Variants in LRBA observed in about 807,000 individuals in gnomAD.
The protein encoded by LRBA is lipopolysaccharide-responsive and beige-like anchor protein.
LRBA carries 176 observed loss-of-function variants against 330.0 expected under a neutral mutation model. The ratio of observed to expected loss-of-function variants is 0.53; its 90% CI spans 0.47 to 0.60. The LOEUF (loss-of-function observed/expected upper bound fraction) is 0.60. Among genes scored for constraint, LRBA ranks in the 20% least tolerant of loss-of-function variants. LRBA has a pLI of 0.00. For missense variants in LRBA, 3,259 were observed against 3,444.8 expected (o/e 0.95, Z 1.35); for synonymous variants, 1,230 against 1,193.0 (o/e 1.03, Z -0.64).
chr4:150,834,625 A>C (rs1190916931), intron 28 of LRBA, among the ~76,000 whole-genome samples: 2 of 152,222 alleles, frequency 1.3e-5, no homozygotes, highest in African/African-American at 4.8e-5. Flanking sequence ...TTTATAGAGC[A>C]CAGGCAGAGT....
intron 52 of LRBA, 33 bp from the exon 53 acceptor site, chr4:150,302,825 T>C (rs1043102072): frequency 4.6e-6 from 7 of 1,510,944 alleles, no homozygotes; most frequent in Non-Finnish European, 6.2e-6. Flanking sequence ...TTAAAAATGC[T>C]ATTAAAAAAA....
intron 47 of LRBA, among the ~76,000 whole-genome samples, chr4:150,370,513 TGGTTGCCAGGA>T (rs1481999542): frequency 1.3e-5 from 2 of 152,086 alleles, no homozygotes; most frequent in Non-Finnish European, 2.9e-5. Context: ...AAAAGATCAG[TGGTTGCCAGGA>T]GTGGAGGAGG....
At chr4:150,422,304 T>A (rs982596573) in intron 46 of LRBA, among the ~76,000 whole-genome samples, 10 of 152,114 alleles carry the variant, frequency 6.6e-5, no homozygotes, top group African/African-American at 2.4e-4. Context: ...CAAAGCCATG[T>A]TGGGAGCACA....
chr4:150,550,336 T>C (rs905566305), intron 40 of LRBA, among the ~76,000 whole-genome samples: 3 of 152,114 alleles, frequency 2.0e-5, no homozygotes, highest in Admixed American at 6.6e-5. Context: ...TAAAGGATTA[T>C]TGAATTTTAC....
At chr4:150,793,570 T>C (rs1740310904) in intron 34 of LRBA, among the ~76,000 whole-genome samples, 1 of 152,196 alleles carries the variant, frequency 6.6e-6, no homozygotes. Context: ...ATTTATATGG[T>C]TGAACAGTAC....
At chr4:150,864,343 GAACTATT>G (rs1339072097) in intron 22 of LRBA, among the ~76,000 whole-genome samples, 1 of 151,932 alleles carries the variant, frequency 6.6e-6, no homozygotes, top group Non-Finnish European at 1.5e-5. Context: ...AGACCTTTTA[GAACTATT>G]AACCCACTTA....
At chr4:150,763,710 C>T (rs1212824676) in intron 34 of LRBA, among the ~76,000 whole-genome samples, 1 of 151,474 alleles carries the variant, frequency 6.6e-6, no homozygotes, top group Non-Finnish European at 1.5e-5. Flanking sequence ...TTCCCAAGCA[C>T]AGCACAGAGA....
At chr4:150,560,856 CAT>C (rs1768230814) in intron 40 of LRBA, among the ~76,000 whole-genome samples, 1 of 152,038 alleles carries the variant, frequency 6.6e-6, no homozygotes. Flanking sequence ...CATGGTGGCA[CAT>C]GTCTGTAATC....
intron 17 of LRBA, among the ~76,000 whole-genome samples, chr4:150,875,937 C>A (rs909048546): frequency 6.6e-6 from 1 of 152,016 alleles, no homozygotes; most frequent in Non-Finnish European, 1.5e-5. Context: ...GCATGGACTG[C>A]AAGGAAGCTC....
intron 19 of LRBA, among the ~76,000 whole-genome samples, chr4:150,871,129 G>A (rs1157498063): frequency 1.3e-5 from 2 of 152,180 alleles, no homozygotes; most frequent in Non-Finnish European, 2.9e-5. Flanking sequence ...TGTAATCCCA[G>A]CTACTGGGGA....
chr4:150,494,932 G>A (rs543264675), intron 40 of LRBA, among the ~76,000 whole-genome samples: 3 of 150,894 alleles, frequency 2.0e-5, no homozygotes, highest in Non-Finnish European at 2.9e-5. Flanking sequence ...CCTGGGAGGC[G>A]GAGCTTGCAG....
chr4:150,279,446 C>G (rs1747228505), intron 55 of LRBA, among the ~76,000 whole-genome samples: 1 of 152,166 alleles, frequency 6.6e-6, no homozygotes, highest in African/African-American at 2.4e-5. Flanking sequence ...CACCTGGACA[C>G]AGGGGAATAC....
chr4:150,729,413 T>G (rs1730142250), intron 36 of LRBA, among the ~76,000 whole-genome samples: 1 of 151,998 alleles, frequency 6.6e-6, no homozygotes, highest in East Asian at 1.9e-4. Context: ...ACATACAAAA[T>G]TAAATACCTA....
intron 44 of LRBA, among the ~76,000 whole-genome samples, chr4:150,448,903 A>C (rs575073275): frequency 6.6e-6 from 1 of 151,834 alleles, no homozygotes; most frequent in African/African-American, 2.4e-5. Context: ...TGAATAGATC[A>C]ATGTAGAAAC....
intron 28 of LRBA, among the ~76,000 whole-genome samples, chr4:150,833,603 C>A (rs1747545315): frequency 6.6e-6 from 1 of 152,134 alleles, no homozygotes; most frequent in South Asian, 2.1e-4. Context: ...AAAAAACGCA[C>A]ATAATTTAAA....
chr4:150,419,042 G>A (rs1366181872), intron 46 of LRBA, among the ~76,000 whole-genome samples: 1 of 152,086 alleles, frequency 6.6e-6, no homozygotes, highest in Non-Finnish European at 1.5e-5. Context: ...AATGGTGAGC[G>A]GGTCACTATA....
chr4:150,887,826 T>C (rs1340096030), intron 17 of LRBA, among the ~76,000 whole-genome samples: 2 of 146,242 alleles, frequency 1.4e-5, no homozygotes, highest in Non-Finnish European at 3.0e-5. Context: ...TCAAATTTGG[T>C]AGTAATCACA....
At chr4:150,455,889 T>C (rs1022512920) in intron 44 of LRBA, among the ~76,000 whole-genome samples, 1 of 152,152 alleles carries the variant, frequency 6.6e-6, no homozygotes, top group African/African-American at 2.4e-5. Context: ...GTTTTGATTT[T>C]TAGATCCTCA....
chr4:150,344,265 A>C (rs1735980036), intron 48 of LRBA, among the ~76,000 whole-genome samples: 1 of 152,248 alleles, frequency 6.6e-6, no homozygotes, highest in South Asian at 2.1e-4. Context: ...CTGTGAATAT[A>C]CTAAAAACTA....
Sources: gnomAD v4.1 joint callset for allele counts (sites outside exome capture counted in the v4.1 genomes callset) on GRCh38, gnomAD v4.1.1 for gene constraint, MANE v1.5 for transcripts, NCBI Gene and HGNC (gene_info 2026-07-23, HGNC 2026-07-21) for gene names.